Variants in TULP1 observed in about 807,000 individuals in gnomAD.
TULP1 encodes the protein TUB like protein 1, also known as tubby-related protein 1.
A neutral mutation model predicts 67.1 loss-of-function variants in TULP1; 50 were observed. The ratio of observed to expected loss-of-function variants is 0.75; its 90% confidence interval spans 0.59 to 0.94. The LOEUF is 0.94. TULP1 is among the 40% of genes least tolerant of loss of function. The pLI is 0.00. For synonymous variants in TULP1, 297 were observed against 294.0 expected (o/e 1.01, Z -0.11); for missense variants, 746 against 734.1 (o/e 1.02, Z -0.19).
chr6:35,505,625 A>T, intron 11 of TULP1, 116 bp downstream of exon 11: 1 of 1,551,672 alleles, frequency 6.4e-7, no homozygotes, highest in Non-Finnish European at 8.7e-7. Flanking sequence ...AGGCTAGGGG[A>T]CGTTTCCAGG....
chr6:35,505,588 T>C, intron 11 of TULP1, 153 bp downstream of exon 11: 1 of 1,530,450 alleles, frequency 6.5e-7, no homozygotes, highest in Non-Finnish European at 8.8e-7. Flanking sequence ...CCCCACATGA[T>C]CTATGTACAT....
chr6:35,498,482 G>C lies in TULP1; in HGVS notation c.1496-22C>G. ...TCGGCTATGGACACAAGACGGGGTG[G>C]GGGCGGCCCGAGACCTCCTTGGACC... On this transcript the variant is annotated intron_variant, in intron 14 of 14. Transcript: ENST00000229771. This position sits in a 1 kb window ranked among gnomAD's most constrained non-coding sequence, Gnocchi z 6.7. 6.2e-7 allele frequency: 1 copy of C among 1,613,252 alleles called. No individual in the cohort carries two copies.
At position 35,500,682 on chromosome 6, in the gene TULP1, C is replaced by T. The variant is rs148770852; in HGVS notation, c.1324-530G>A. On this transcript the variant is annotated intron_variant, in intron 13 of 14. Coordinates refer to ENST00000229771, the MANE Select transcript of TULP1 (RefSeq NM_003322.6). The stretch of plus-strand genomic sequence containing the variant: ...TTAGAGTGAGTCCACTCAAGATCAC[C>T]TCCAAGAAGCCTTCCTGACCCCCCA... 4.4e-3 allele frequency among the ~76,000 whole-genome samples: 663 copies of T among 152,304 alleles called. 4 individuals are homozygous for T. Among genetic ancestry groups the T allele is most frequent in the African/African-American group, 0.015 (607 of 41,562 alleles).
intron 1 of TULP1, 53 bp from the exon 2 acceptor site, chr6:35,512,743 C>T (rs928411710): frequency 1.9e-6 from 3 of 1,597,094 alleles, no homozygotes; most frequent in African/African-American, 1.4e-5. Context: ...CTCCCCATCC[C>T]ACCCACTCCC....
At position 35,500,075 on chromosome 6, in the gene TULP1, G is replaced by T; in HGVS notation, c.1401C>A (p.Val467=). 6.2e-7 allele frequency: 1 copy of T among 1,614,196 alleles called. No individual in the cohort carries two copies. ...TGTAGGAGCCACTGTCATCGTTCCA[G>T]ACAGGTGGCTTGTTGTGCAGTTCTA... ...SLIELHNKPP[V]WNDDSGSYTL... is the part of the protein sequence containing the mutation. The change falls in exon 14 of 15, where the codon GTC becomes GTA. Residue 467 remains valine, a synonymous_variant. Coordinates refer to ENST00000229771, the MANE Select transcript of TULP1 (RefSeq NM_003322.6).
intron 13 of TULP1, among the ~76,000 whole-genome samples, chr6:35,502,048 C>T (rs1027745765): frequency 6.6e-6 from 1 of 152,190 alleles, no homozygotes; most frequent in Admixed American, 6.5e-5. Flanking sequence ...GCTCTTCCCC[C>T]AGATATCTGT....
At position 35,503,648 on chromosome 6, in the gene TULP1, C is replaced by A. The variant is rs761670562; in HGVS notation, c.1234G>T (p.Val412Leu). Residue 412 changes from valine (V) to leucine (L), a missense_variant, in exon 13 of 15, where the codon GTG (valine) becomes TTG (leucine). Val to Leu is a conservative substitution (Grantham distance 32, BLOSUM62 1). Transcript: ENST00000229771. The surrounding 1 kb of genome is among the most constrained non-coding windows in gnomAD (Gnocchi z 4.0). ...CGCCGGGGGCCACGGAAGCCCAGCA[C>A]GTTGGTTTCCTGGGAAGGAAACAGA... ...ELAAVIYETNVLGFRGPRRMT... is the reference protein window; with the variant it reads ...ELAAVIYETNLLGFRGPRRMT... 6.3e-7 allele frequency: 1 copy of A among 1,599,420 alleles called. No individual in the cohort carries two copies. Among genetic ancestry groups the A allele is most frequent in the Non-Finnish European group, 8.5e-7 (1 of 1,173,276 alleles).
intron 6 of TULP1, 37 bp from the exon 7 acceptor site, chr6:35,509,787 C>T (rs139530956): frequency 1.5e-5 from 24 of 1,613,974 alleles, no homozygotes; most frequent in Middle Eastern, 3.3e-4. Flanking sequence ...CAACCCCCAC[C>T]GCAACTGGAG....
At chr6:35,509,980 G>T (rs1761164623) in intron 5 of TULP1, 52 bp from the exon 6 acceptor site, 1 of 1,572,836 alleles carries the variant, frequency 6.4e-7, no homozygotes, top group Non-Finnish European at 8.7e-7. Flanking sequence ...TGGGGCTGAA[G>T]GCTGCCTTCC....
At chr6:35,512,601 G>A (rs762353754) in intron 2 of TULP1, 38 bp downstream of exon 2, 2 of 1,613,846 alleles carry the variant, frequency 1.2e-6, no homozygotes, top group South Asian at 1.1e-5. Context: ...GCACAGCGGG[G>A]ACATCTTTCT....
chr6:35,505,438 G>C, intron 11 of TULP1: 1 of 547,690 alleles, frequency 1.8e-6, no homozygotes, highest in South Asian at 1.7e-5. Context: ...AACAAGGCAG[G>C]CACAGTGCCT....
intron 7 of TULP1, 77 bp from the exon 8 acceptor site, chr6:35,509,389 T>A: frequency 7.2e-7 from 1 of 1,380,748 alleles, no homozygotes; most frequent in Non-Finnish European, 1.0e-6. Context: ...CATGTCTCAC[T>A]TGGATGCTCC....
chr6:35,505,597 A>G (rs757928387), intron 11 of TULP1, 144 bp downstream of exon 11: 5 of 1,536,418 alleles, frequency 3.3e-6, no homozygotes, highest in Non-Finnish European at 8.7e-7. Context: ...ATCTATGTAC[A>G]TCAAAGCGAG....
At position 35,498,965 on chromosome 6, in the gene TULP1, G is replaced by A. The variant is rs1038113596; in HGVS notation, c.1496-505C>T. Among the ~76,000 whole-genome samples the A allele has an allele frequency of 2.0e-5, 3 of 152,136 alleles. No homozygotes were observed. Among genetic ancestry groups the A allele is most frequent in the Non-Finnish European group, 2.9e-5 (2 of 68,022 alleles). ...ACCTCCCCCAGGATCCATAGGGACA[G>A]GAAGTTGCTAAAAATACCCCCAAAC... On this transcript the variant is annotated intron_variant, in intron 14 of 14. Coordinates refer to ENST00000229771, the MANE Select transcript of TULP1 (RefSeq NM_003322.6). The surrounding 1 kb of genome is among the most constrained non-coding windows in gnomAD (Gnocchi z 6.7).
chr6:35,505,945 C>G, intron 10 of TULP1, 58 bp downstream of exon 10: 1 of 1,614,104 alleles, frequency 6.2e-7, no homozygotes, highest in Non-Finnish European at 8.5e-7. Flanking sequence ...CCGTTTGTCC[C>G]GTGGCCCCCA....
chr6:35,500,161 C>T lies in TULP1; in HGVS notation c.1324-9G>A, dbSNP rs753328447. 200 of 1,613,508 alleles carry T rather than the reference C, an allele frequency of 1.2e-4. No individual in the cohort carries two copies. The highest frequency in any genetic ancestry group is 1.6e-4 in the Non-Finnish European group (194 of 1,180,008). ...AGCAGGCCGTCACTAGCCTGGGGTG[C>T]CCCAGGGGAGTAGACAGGGAGAGGA... On this transcript the variant is annotated splice_polypyrimidine_tract_variant and intron_variant, in intron 13 of 14. Coordinates refer to ENST00000229771, the MANE Select transcript of TULP1 (RefSeq NM_003322.6).
At chr6:35,511,515 A>T in intron 4 of TULP1, 133 bp downstream of exon 4, 1 of 1,392,520 alleles carries the variant, frequency 7.2e-7, no homozygotes, top group Non-Finnish European at 9.9e-7. Flanking sequence ...CCTGGCTCAA[A>T]GATAAGGCCA....
intron 8 of TULP1, among the ~76,000 whole-genome samples, chr6:35,506,800 A>C (rs965239181): frequency 6.6e-6 from 1 of 152,104 alleles, no homozygotes; most frequent in African/African-American, 2.4e-5. Context: ...GTTTTGTCCA[A>C]TCTCCTATGA....
In TULP1 at chr6:35,512,834, G is replaced by T. The variant is rs759802314; in HGVS notation, c.25C>A (p.Arg9=). The change falls in exon 1 of 15, where the codon CGA becomes AGA. Residue 9 remains arginine, a synonymous_variant. Transcript: ENST00000229771. MPLRDETL[R]EVWASDSGHE... is the part of the protein sequence containing the mutation. ...GACCTGTCAGAGGCCCACACCTCTC[G>T]GAGGGTTTCATCCCGCAGAGGCATG... is the stretch of plus-strand genomic sequence containing the variant. 6.2e-7 allele frequency: 1 copy of T among 1,611,488 alleles called. No homozygotes were observed. Among genetic ancestry groups the T allele is most frequent in the Non-Finnish European group, 8.5e-7 (1 of 1,179,258 alleles).
Sources: allele counts gnomAD v4.1 joint callset (sites outside exome capture counted in the v4.1 genomes callset), GRCh38; gene constraint gnomAD v4.1.1; non-coding constraint Gnocchi (gnomAD v3.1); transcripts MANE v1.5; gene names NCBI Gene and HGNC (gene_info 2026-07-23, HGNC 2026-07-21).